Variants in PRKAR2B observed in about 807,000 individuals in gnomAD.
The protein encoded by PRKAR2B is cAMP-dependent protein kinase type II-beta regulatory subunit.
A neutral mutation model predicts 49.9 loss-of-function variants in PRKAR2B; 14 were observed. That is an observed-to-expected ratio of 0.28 (90% CI 0.19 to 0.44). PRKAR2B has a LOEUF of 0.44. Ranked by LOEUF, PRKAR2B falls within the 20% of genes least tolerant of loss-of-function variation. The pLI, the probability that PRKAR2B is intolerant of heterozygous loss-of-function variation, is 1.00. For synonymous variants in PRKAR2B, 196 were observed against 197.7 expected, an observed-to-expected ratio of 0.99 and a Z score of 0.07; for missense variants, 393 against 537.9, an observed-to-expected ratio of 0.73 and a Z score of 2.67.
intron 2 of PRKAR2B, chr7:107,091,528 T>A (rs1224520709): frequency 1.3e-5 from 2 of 152,098 alleles, no homozygotes; most frequent in Non-Finnish European, 2.9e-5. Context: ...CTGCAGTAGG[T>A]GGACAGTGAG....
chr7:107,143,919 C>T (rs1795836585), intron 5 of PRKAR2B, among the ~76,000 whole-genome samples: 1 of 152,078 alleles, frequency 6.6e-6, no homozygotes, highest in Non-Finnish European at 1.5e-5. Flanking sequence ...ATCTATAACA[C>T]TTCTGGTCCC....
chr7:107,119,563 C>T (rs1329235267), intron 2 of PRKAR2B, among the ~76,000 whole-genome samples: 1 of 152,194 alleles, frequency 6.6e-6, no homozygotes, highest in African/African-American at 2.4e-5. Context: ...CTTGTGTTCT[C>T]TGGAGAGTCG....
chr7:107,066,309 T>G (rs1019960042), intron 1 of PRKAR2B, among the ~76,000 whole-genome samples: 9 of 150,152 alleles, frequency 6.0e-5, no homozygotes, highest in African/African-American at 2.2e-4. Context: ...GGGGTGTGTG[T>G]GTGTGTGTGT....
chr7:107,141,166 C>G (rs2115638682), intron 5 of PRKAR2B, among the ~76,000 whole-genome samples: 1 of 152,216 alleles, frequency 6.6e-6, no homozygotes, highest in African/African-American at 2.4e-5. Flanking sequence ...GAACTAATGA[C>G]TTTTGGTTAG....
At chr7:107,117,853 T>C (rs1200552173) in intron 2 of PRKAR2B, among the ~76,000 whole-genome samples, 1 of 152,182 alleles carries the variant, frequency 6.6e-6, no homozygotes, top group Non-Finnish European at 1.5e-5. Context: ...GCTACACCAG[T>C]GCACATTACT....
chr7:107,153,736 C>G (rs1290076588), intron 8 of PRKAR2B, among the ~76,000 whole-genome samples: 1 of 152,066 alleles, frequency 6.6e-6, no homozygotes, highest in Admixed American at 6.6e-5. Flanking sequence ...TTCTAAGATC[C>G]CAGCTGGAAC....
chr7:107,054,124 C>G (rs954392898), intron 1 of PRKAR2B, among the ~76,000 whole-genome samples: 1 of 152,064 alleles, frequency 6.6e-6, no homozygotes, highest in East Asian at 1.9e-4. Context: ...CCGAGGCGGG[C>G]GAATCATGAG....
In PRKAR2B at chr7:107,129,703, C is replaced by T. The variant is rs1008289119; in HGVS notation, c.480+1408C>T. On this transcript the variant is annotated intron_variant, in intron 4 of 10. Transcript: ENST00000265717. ...GGCTACTCCATAGACAGAGCAGCCC[C>T]GAGAGCTGCTGGTTGCCCATTTTTA... is the stretch of plus-strand genomic sequence containing the variant. Among the ~76,000 whole-genome samples the T allele has an allele frequency of 2.5e-4, 38 of 152,154 alleles. 1 individual carries two copies. The highest frequency in any genetic ancestry group is 9.8e-4 in the Admixed American group (15 of 15,276).
intron 1 of PRKAR2B, among the ~76,000 whole-genome samples, chr7:107,065,081 T>C (rs1348937405): frequency 1.3e-5 from 2 of 152,226 alleles, no homozygotes; most frequent in South Asian, 2.1e-4. Flanking sequence ...ATGGTTTCAA[T>C]TTACACAGTT....
intron 3 of PRKAR2B, among the ~76,000 whole-genome samples, chr7:107,126,106 AAAAG>A (rs1426423051): frequency 6.7e-6 from 1 of 148,954 alleles, no homozygotes; most frequent in Admixed American, 6.7e-5. Flanking sequence ...AAAAAAAAAA[AAAAG>A]AGGCCAGGCG....
At chr7:107,111,279 A>T (rs1795166765) in intron 2 of PRKAR2B, among the ~76,000 whole-genome samples, 3 of 152,236 alleles carry the variant, frequency 2.0e-5, no homozygotes, top group Admixed American at 2.0e-4. Context: ...TTTTGACTGT[A>T]GTCCCTGGCT....
chr7:107,060,408 A>G (rs1243149914), intron 1 of PRKAR2B, among the ~76,000 whole-genome samples: 1 of 152,216 alleles, frequency 6.6e-6, no homozygotes, highest in Non-Finnish European at 1.5e-5. Flanking sequence ...TCAGATTTCA[A>G]CAAGCTTTGA....
chr7:107,145,691 T>G (rs1326357279), intron 5 of PRKAR2B, among the ~76,000 whole-genome samples: 2 of 151,830 alleles, frequency 1.3e-5, no homozygotes, highest in Non-Finnish European at 2.9e-5. Context: ...ATTGCTGGAA[T>G]TACAGATGTA....
intron 2 of PRKAR2B, among the ~76,000 whole-genome samples, chr7:107,111,588 G>T (rs987106947): frequency 6.6e-6 from 1 of 152,060 alleles, no homozygotes. Context: ...GTCTCTGCCT[G>T]GTAATCCAGA....
At chr7:107,101,866 G>A (rs1477795807) in intron 2 of PRKAR2B, among the ~76,000 whole-genome samples, 1 of 143,274 alleles carries the variant, frequency 7.0e-6, no homozygotes, top group Non-Finnish European at 1.5e-5. Flanking sequence ...GATTTCCAGA[G>A]CCCTGATCCT....
rs1796202855 is a variant in PRKAR2B, at chr7:107,161,768, GA to G, written c.*2188del. 6.6e-6 allele frequency: 1 copy of G among 152,140 alleles called. No homozygotes were observed. Among genetic ancestry groups the G allele is most frequent in the Admixed American group, 6.6e-5 (1 of 15,266 alleles). 9.4% of individuals were successfully genotyped at this position (152,140 alleles called of 1,614,324 possible). On this transcript the variant is annotated 3_prime_UTR_variant, in exon 11 of 11. Transcript: ENST00000265717. ...TAACCAAATCAATCTGGCTAACTAGGAATTTATGTGTAAAATTATCTGATTA... is the reference window on the plus strand; with the variant it reads ...TAACCAAATCAATCTGGCTAACTAGGATTTATGTGTAAAATTATCTGATTA...
Position 107,124,570 on chromosome 7 carries a change from A to G in PRKAR2B, c.396+2566A>G, listed in dbSNP as rs977560256. 3.9e-5 allele frequency among the ~76,000 whole-genome samples: 6 copies of G among 152,180 alleles called. No individual in the cohort carries two copies. The South Asian group carries it at 6.2e-4, about 16-fold the overall frequency. ...GTAGCTGGGACTACAGGCATGCACC[A>G]CCACATACCTGGCTAATTTCTGTAT... On this transcript the variant is annotated intron_variant, in intron 3 of 10. Coordinates refer to ENST00000265717, the MANE Select transcript of PRKAR2B (RefSeq NM_002736.3).
At chr7:107,070,440 C>A in intron 2 of PRKAR2B, 124 bp downstream of exon 2, 2 of 818,864 alleles carry the variant, frequency 2.4e-6, no homozygotes, top group Non-Finnish European at 3.7e-6. Context: ...GTTATTTTTC[C>A]CAGAAAACAC....
chr7:107,149,990 C>A (rs1795954416), intron 6 of PRKAR2B, among the ~76,000 whole-genome samples: 1 of 150,878 alleles, frequency 6.6e-6, no homozygotes, highest in Admixed American at 6.6e-5. Flanking sequence ...TACTATGTAC[C>A]CACAAAAATT....
Sources: gnomAD v4.1 joint callset for allele counts (sites outside exome capture counted in the v4.1 genomes callset) on GRCh38, gnomAD v4.1.1 for gene constraint, MANE v1.5 for transcripts, NCBI Gene and HGNC (gene_info 2026-07-23, HGNC 2026-07-21) for gene names.